The following LINGO2 variants were observed in gnomAD, a reference collection of about 807,000 sequenced individuals.
LINGO2 encodes the protein leucine-rich repeat and immunoglobulin-like domain-containing nogo receptor-interacting protein 2.
Under a neutral mutation model 30.6 loss-of-function variants are expected in LINGO2, and 14 were observed. The observed-to-expected ratio is 0.46, with a 90% CI of 0.30 to 0.72. The LOEUF is 0.72. Ranked by LOEUF, LINGO2 falls within the 30% of genes least tolerant of loss-of-function variation. The pLI is 0.07. For synonymous variants in LINGO2, 317 were observed against 288.5 expected (o/e 1.10, Z -1.00); for missense variants, 729 against 751.7 (o/e 0.97, Z 0.35).
intron 4 of LINGO2, among the ~76,000 whole-genome samples, chr9:28,092,562 G>C (rs188514348): frequency 7.3e-6 from 1 of 137,346 alleles, no homozygotes; most frequent in Non-Finnish European, 1.6e-5. Context: ...GGGGGGGAGG[G>C]GGGAGGGATA....
At chr9:28,140,081 T>C (rs1216411988) in intron 4 of LINGO2, among the ~76,000 whole-genome samples, 1 of 152,190 alleles carries the variant, frequency 6.6e-6, no homozygotes, top group Non-Finnish European at 1.5e-5. Flanking sequence ...AACAAAACCT[T>C]AATGTCCCAT....
intron 4 of LINGO2, among the ~76,000 whole-genome samples, chr9:28,151,165 C>A (rs1827989583): frequency 6.6e-6 from 1 of 152,032 alleles, no homozygotes; most frequent in Non-Finnish European, 1.5e-5. Context: ...CAGTACATTG[C>A]AATAATAACA....
At chr9:28,314,799 A>G (rs1313948801) in intron 3 of LINGO2, among the ~76,000 whole-genome samples, 2 of 152,060 alleles carry the variant, frequency 1.3e-5, no homozygotes, top group African/African-American at 4.8e-5. Context: ...CCTGGCTAAC[A>G]CGATGAAACC....
intron 2 of LINGO2, among the ~76,000 whole-genome samples, chr9:28,471,006 G>A (rs1825498796): frequency 6.7e-6 from 1 of 150,070 alleles, no homozygotes; most frequent in Admixed American, 6.7e-5. Flanking sequence ...GAAATTATAG[G>A]TTTTTTAAGA....
chr9:29,153,065 G>T, the LINGO2 span, among the ~76,000 whole-genome samples: 1 of 151,998 alleles, frequency 6.6e-6, no homozygotes, highest in Non-Finnish European at 1.5e-5. Context: ...AATATACAGT[G>T]TTAAAAATAT....
At chr9:29,021,255 G>A in the LINGO2 span, among the ~76,000 whole-genome samples, 1 of 152,136 alleles carries the variant, frequency 6.6e-6, no homozygotes, top group Admixed American at 6.6e-5. Context: ...AGGGTAGCAG[G>A]AAGAGAAAAA....
At chr9:28,024,456 G>A (rs1025057793) in intron 4 of LINGO2, among the ~76,000 whole-genome samples, 14 of 152,120 alleles carry the variant, frequency 9.2e-5, no homozygotes, top group Non-Finnish European at 1.9e-4. Flanking sequence ...CTCAGTTTGT[G>A]GGGAACATTC....
the LINGO2 span, among the ~76,000 whole-genome samples, chr9:29,192,670 C>T: frequency 2.0e-5 from 3 of 152,250 alleles, no homozygotes; most frequent in Admixed American, 6.5e-5. Flanking sequence ...CATCTCAATT[C>T]GGCCAAGCAG....
At chr9:29,191,885 C>A in the LINGO2 span, among the ~76,000 whole-genome samples, 2 of 151,926 alleles carry the variant, frequency 1.3e-5, no homozygotes, top group African/African-American at 2.4e-5. Context: ...CTGATCATAT[C>A]TCTTTTCTGT....
chr9:28,201,939 T>C (rs1385527698), intron 4 of LINGO2, among the ~76,000 whole-genome samples: 1 of 152,116 alleles, frequency 6.6e-6, no homozygotes, highest in Non-Finnish European at 1.5e-5. Flanking sequence ...AAGTTCAAAA[T>C]CAAGGTGTTA....
the LINGO2 span, among the ~76,000 whole-genome samples, chr9:28,948,863 A>C: frequency 6.6e-6 from 1 of 151,916 alleles, no homozygotes; most frequent in African/African-American, 2.4e-5. Flanking sequence ...CTGGATTTCT[A>C]TTTTTACGAA....
upstream of LINGO2, among the ~76,000 whole-genome samples, chr9:28,672,089 A>G (rs769476196): frequency 6.6e-6 from 1 of 152,100 alleles, no homozygotes; most frequent in South Asian, 2.1e-4. Flanking sequence ...AACATGTCCT[A>G]TTAGGTTCTG....
chr9:28,823,980 C>T, the LINGO2 span, among the ~76,000 whole-genome samples: 1 of 152,070 alleles, frequency 6.6e-6, no homozygotes, highest in Non-Finnish European at 1.5e-5. Context: ...AAAATATATA[C>T]ATACAAACTA....
the LINGO2 span, among the ~76,000 whole-genome samples, chr9:28,877,967 C>G: frequency 1.3e-5 from 2 of 152,030 alleles, no homozygotes; most frequent in Admixed American, 6.6e-5. Context: ...AGGTCCTTCA[C>G]GTCCCTTGAA....
chr9:28,574,624 T>C (rs1823865550), intron 1 of LINGO2, among the ~76,000 whole-genome samples: 1 of 152,124 alleles, frequency 6.6e-6, no homozygotes, highest in African/African-American at 2.4e-5. Context: ...ATTTTTTCCA[T>C]TATTATTATT....
At chr9:28,422,303 C>T (rs1008370186) in intron 2 of LINGO2, among the ~76,000 whole-genome samples, 5 of 151,846 alleles carry the variant, frequency 3.3e-5, no homozygotes, top group Non-Finnish European at 5.9e-5. Context: ...ATAAATAATT[C>T]CTACAACTCA....
intron 3 of LINGO2, among the ~76,000 whole-genome samples, chr9:28,317,233 T>C (rs527796259): frequency 2.0e-5 from 3 of 149,878 alleles, no homozygotes; most frequent in East Asian, 2.0e-4. Flanking sequence ...ATGAGTTCCA[T>C]ATATATTTGT....
the LINGO2 span, among the ~76,000 whole-genome samples, chr9:29,036,169 G>A: frequency 1.2e-4 from 19 of 152,154 alleles, no homozygotes; most frequent in Non-Finnish European, 2.1e-4. Flanking sequence ...TACACTACGA[G>A]TTCAAAAGCA....
intron 2 of LINGO2, among the ~76,000 whole-genome samples, chr9:28,431,868 G>C (rs1364974200): frequency 1.3e-5 from 2 of 151,564 alleles, no homozygotes; most frequent in Non-Finnish European, 2.9e-5. Flanking sequence ...TTCATTCTCT[G>C]TCTCCAACAA....
Sources: gnomAD v4.1 joint callset for allele counts (sites outside exome capture counted in the v4.1 genomes callset) on GRCh38, gnomAD v4.1.1 for gene constraint, MANE v1.5 for transcripts, NCBI Gene and HGNC (gene_info 2026-07-23, HGNC 2026-07-21) for gene names.